The following HEATR5B variants were observed in gnomAD, a reference collection of about 807,000 sequenced individuals.
HEATR5B encodes HEAT repeat-containing protein 5B.
HEATR5B carries 156 observed loss-of-function variants against 224.1 expected under a neutral mutation model. The observed-to-expected ratio is 0.70, with a 90% CI of 0.61 to 0.80. HEATR5B has a LOEUF of 0.80. HEATR5B is among the 30% of genes least tolerant of loss of function. The pLI is 0.00. For missense variants in HEATR5B, 2,323 were observed against 2,535.5 expected, an observed-to-expected ratio of 0.92 and a Z score of 1.80; for synonymous variants, 1,027 against 893.0, an observed-to-expected ratio of 1.15 and a Z score of -2.68.
chr2:37,073,240 T>C (rs1260161673), intron 5 of HEATR5B, among the ~76,000 whole-genome samples: 1 of 152,174 alleles, frequency 6.6e-6, no homozygotes, highest in African/African-American at 2.4e-5. Flanking sequence ...ATAATAAGGA[T>C]GATATATCAT....
chr2:37,036,876 C>A (rs564088227), intron 21 of HEATR5B, among the ~76,000 whole-genome samples: 2 of 151,936 alleles, frequency 1.3e-5, no homozygotes, highest in African/African-American at 4.8e-5. Context: ...CTCCTGCTAA[C>A]GCTCTCTTCC....
chr2:37,082,601 G>A (rs908352958), intron 2 of HEATR5B, among the ~76,000 whole-genome samples: 5 of 152,180 alleles, frequency 3.3e-5, no homozygotes, highest in Admixed American at 1.3e-4. Context: ...AGCGATCTGC[G>A]CCTTAAGGGC....
At chr2:37,058,254 C>T (rs1264392986) in intron 14 of HEATR5B, among the ~76,000 whole-genome samples, 197 bp downstream of exon 14, 1 of 152,050 alleles carries the variant, frequency 6.6e-6, no homozygotes, top group Non-Finnish European at 1.5e-5. Flanking sequence ...AGTCAAAAAG[C>T]TAATACAAAA....
intron 35 of HEATR5B, among the ~76,000 whole-genome samples, chr2:36,982,863 T>TACACACAAACAC: frequency 7.9e-6 from 1 of 126,060 alleles, no homozygotes; most frequent in Non-Finnish European, 1.7e-5. Context: ...CAGACACAGA[T>TACACACAAACAC]ACACACACAC....
chr2:37,002,427 G>A lies in HEATR5B; in HGVS notation c.5196C>T (p.Thr1732=). The A allele has an allele frequency of 6.2e-7, 1 of 1,614,176 alleles. No homozygotes were observed. Among genetic ancestry groups the A allele is most frequent in the Middle Eastern group, 1.6e-4 (1 of 6,062 alleles). The change falls in exon 32 of 36, where the codon ACC becomes ACT. Residue 1732 remains threonine (T), a synonymous_variant. Coordinates refer to ENST00000233099, the MANE Select transcript of HEATR5B (RefSeq NM_019024.3). ...ILVRHMPHLS[T]KVSDSPSHIA... ...TGTGACTTGGAGAGTCTGACACCTT[G>A]GTACTGAGATGTGGCATATGCCGTA...
chr2:37,032,851 T>A, intron 21 of HEATR5B, 78 bp from the exon 22 acceptor site: 1 of 1,176,596 alleles, frequency 8.5e-7, no homozygotes, highest in Non-Finnish European at 1.2e-6. Context: ...AATGAATATA[T>A]ATATACATAC....
At chr2:36,996,588 T>C (rs961008825) in intron 33 of HEATR5B, among the ~76,000 whole-genome samples, 1 of 151,896 alleles carries the variant, frequency 6.6e-6, no homozygotes, top group African/African-American at 2.4e-5. Context: ...GGCTAATTTT[T>C]GTATATATAT....
Position 37,041,051 on chromosome 2 carries a change from CG to C in HEATR5B, c.2856+81del, listed in dbSNP as rs1426914358. The C allele has an allele frequency of 7.2e-6, 8 of 1,118,036 alleles. No homozygotes were observed. The African/African-American group carries it at 1.3e-4, about 18-fold the overall frequency. The allele number at this position is 1,118,036 out of a possible 1,614,324, so 69.3% of individuals were successfully genotyped here. On this transcript the variant is annotated intron_variant, in intron 19 of 35. Coordinates refer to ENST00000233099, the MANE Select transcript of HEATR5B (RefSeq NM_019024.3). ...ATATATTTGTCCTAACAACTTACCA[CG>C]GTCATTTTTATTTCATAGAGCAAAT...
At position 36,981,523 on chromosome 2, in the gene HEATR5B, T is replaced by C; in HGVS notation, c.6183A>G (p.Ala2061=). The C allele has an allele frequency of 6.2e-7, 1 of 1,613,234 alleles. No individual in the cohort carries two copies. Among genetic ancestry groups the C allele is most frequent in the South Asian group, 1.1e-5 (1 of 90,860 alleles). The change falls in exon 36 of 36, where the codon GCA becomes GCG. Residue 2061 remains alanine, a synonymous_variant. Transcript: ENST00000233099. ...AACTTGTTTTTAGCTTAATTGTTGG[T>C]GCAGAATGTATGGCGGGGGCTGGTT... ...ARQPAPAIHS[A]PTIKLKTSFF is the part of the protein sequence containing the mutation.
chr2:37,023,279 T>C (rs1403962462), intron 24 of HEATR5B, among the ~76,000 whole-genome samples: 5 of 152,310 alleles, frequency 3.3e-5, no homozygotes, highest in South Asian at 4.1e-4. Flanking sequence ...TCAAGGTCTA[T>C]GAAGTTCTTC....
chr2:36,994,491 G>A (rs1312218246), intron 33 of HEATR5B, among the ~76,000 whole-genome samples: 1 of 152,066 alleles, frequency 6.6e-6, no homozygotes, highest in Non-Finnish European at 1.5e-5. Context: ...GTTAAGCAAG[G>A]GATCTGCTTG....
intron 3 of HEATR5B, 120 bp from the exon 4 acceptor site, chr2:37,077,139 C>T (rs919412045): frequency 1.3e-6 from 1 of 766,410 alleles, no homozygotes; most frequent in Non-Finnish European, 2.2e-6. Flanking sequence ...TCCTTAATTT[C>T]AACTATCAAA....
chr2:37,014,475 A>G (rs1243027724), intron 26 of HEATR5B, among the ~76,000 whole-genome samples: 1 of 151,846 alleles, frequency 6.6e-6, no homozygotes, highest in Non-Finnish European at 1.5e-5. Flanking sequence ...ATTATTTTTT[A>G]TATCAATGGT....
At position 37,070,382 on chromosome 2, in the gene HEATR5B, G is replaced by A; in HGVS notation, c.775C>T (p.Arg259Cys). ...AATGTTGCTCGCTTCACATTCTGAC[G>A]CATTACTTTCAAGAAGAAAAATTAA... is the stretch of plus-strand genomic sequence containing the variant. ...ALMPKQATVM[R>C]QNVKRATFDE... The change falls in exon 7 of 36, where the codon CGT becomes TGT. Residue 259 changes from arginine (R) to cysteine (C), a missense_variant. Physicochemically the swap from Arg to Cys is radical, Grantham distance 180. Around this residue, in one of 12 missense-constraint regions of HEATR5B, gnomAD observed 292 missense variants for 332.6 expected, o/e 0.88. Coordinates refer to ENST00000233099, the MANE Select transcript of HEATR5B (RefSeq NM_019024.3). 2 of 1,610,992 alleles carry A rather than the reference G, an allele frequency of 1.2e-6. No individual in the cohort carries two copies. Among genetic ancestry groups the A allele is most frequent in the Non-Finnish European group, 1.7e-6 (2 of 1,178,116 alleles).
chr2:37,041,761 A>C (rs1319124411), intron 18 of HEATR5B, among the ~76,000 whole-genome samples: 1 of 150,382 alleles, frequency 6.6e-6, no homozygotes, highest in East Asian at 1.9e-4. Flanking sequence ...AATAATATTA[A>C]TAATAATAAT....
chr2:37,049,540 C>T (rs1169270010), intron 18 of HEATR5B, 113 bp downstream of exon 18: 2 of 937,710 alleles, frequency 2.1e-6, no homozygotes, highest in African/African-American at 3.4e-5. Flanking sequence ...AAAAAACCCA[C>T]AAAATATTAT....
chr2:37,072,753 G>GA (rs535111624), intron 5 of HEATR5B, among the ~76,000 whole-genome samples: 147 of 144,616 alleles, frequency 1.0e-3, no homozygotes, highest in Admixed American at 2.5e-3. Flanking sequence ...GGCTGATCAG[G>GA]AAAAAAAAAA....
intron 25 of HEATR5B, 84 bp from the exon 26 acceptor site, chr2:37,019,961 TG>T: frequency 1.1e-6 from 1 of 936,354 alleles, no homozygotes; most frequent in Non-Finnish European, 1.6e-6. Flanking sequence ...TGGAGTGCAG[TG>T]GTGCGATCTC....
intron 24 of HEATR5B, among the ~76,000 whole-genome samples, chr2:37,023,650 T>C (rs1323403480): frequency 6.6e-6 from 1 of 151,932 alleles, no homozygotes; most frequent in East Asian, 1.9e-4. Flanking sequence ...GTGCCTGTAA[T>C]GTCAGCAGCT....
Sources: allele counts gnomAD v4.1 joint callset (sites outside exome capture counted in the v4.1 genomes callset), GRCh38; gene constraint gnomAD v4.1.1; regional missense constraint gnomAD v4.1.1; transcripts MANE v1.5; gene names NCBI Gene and HGNC (gene_info 2026-07-23, HGNC 2026-07-21).